FAM135B: variants seen among roughly 807,000 people sequenced by gnomAD.
FAM135B encodes the protein family with sequence similarity 135 member B, also known as protein FAM135B.
FAM135B carries 43 observed loss-of-function variants against 127.7 expected under a neutral mutation model. The ratio of observed to expected loss-of-function variants is 0.34; its 90% CI spans 0.26 to 0.43. FAM135B has a LOEUF of 0.43. Ranked by LOEUF, FAM135B falls within the 20% of genes least tolerant of loss-of-function variation. FAM135B has a pLI of 1.00. For missense variants in FAM135B, 1,558 were observed against 1,725.6 expected (o/e 0.90, Z 1.72); for synonymous variants, 670 against 665.1 (o/e 1.01, Z -0.11).
intron 9 of FAM135B, among the ~76,000 whole-genome samples, chr8:138,183,499 G>T (rs535266019): frequency 2.6e-5 from 4 of 152,132 alleles, no homozygotes; most frequent in African/African-American, 9.7e-5. Context: ...TGCTCAACTC[G>T]CTTCAATATA....
At chr8:138,151,121 G>T (rs929174945) in intron 13 of FAM135B, 73 bp downstream of exon 13, 12 of 1,131,286 alleles carry the variant, frequency 1.1e-5, no homozygotes, top group Middle Eastern at 2.0e-4. Flanking sequence ...GAAACAGTAT[G>T]CATGAAATGG....
intron 4 of FAM135B, among the ~76,000 whole-genome samples, chr8:138,264,895 G>T (rs2130620250): frequency 6.6e-6 from 1 of 152,202 alleles, no homozygotes; most frequent in African/African-American, 2.4e-5. Flanking sequence ...CCTAAAATAG[G>T]AATACTCTTT....
intron 13 of FAM135B, 192 bp from the exon 14 acceptor site, chr8:138,148,878 T>G: frequency 2.6e-6 from 1 of 389,440 alleles, no homozygotes; most frequent in East Asian, 4.7e-5. Flanking sequence ...AGGAAAGCAC[T>G]CTATAAAAAC....
In FAM135B at chr8:138,179,035, T is replaced by G. The variant is rs527276110; in HGVS notation, c.874-345A>C. ...CATGTATGTTCTGAGTACAGCTTACTCTTAGATTTCCATAAACATCTTGCA... is the reference window on the plus strand; with the variant it reads ...CATGTATGTTCTGAGTACAGCTTACGCTTAGATTTCCATAAACATCTTGCA... On this transcript the variant is annotated intron_variant, in intron 9 of 19. Transcript: ENST00000395297. Among the ~76,000 whole-genome samples, 16 of 152,338 alleles carry G rather than the reference T, an allele frequency of 1.1e-4. No homozygotes were observed. In the South Asian group the frequency reaches 2.9e-3, roughly 28 times the overall value.
chr8:138,295,519 T>G (rs1433451252), intron 3 of FAM135B, among the ~76,000 whole-genome samples: 1 of 152,088 alleles, frequency 6.6e-6, no homozygotes, highest in African/African-American at 2.4e-5. Flanking sequence ...CACAAATACA[T>G]GCACACTTAA....
At chr8:138,408,501 G>A (rs1563977505) in intron 1 of FAM135B, among the ~76,000 whole-genome samples, 1 of 152,136 alleles carries the variant, frequency 6.6e-6, no homozygotes, top group African/African-American at 2.4e-5. Context: ...TTAGGGCCTT[G>A]CTCTGGATTT....
intron 2 of FAM135B, among the ~76,000 whole-genome samples, chr8:138,352,420 A>G (rs1829839953): frequency 6.6e-6 from 1 of 152,254 alleles, no homozygotes; most frequent in African/African-American, 2.4e-5. Flanking sequence ...AATATTATAA[A>G]TAAACAAAAA....
rs189891453 is a variant in FAM135B at position 138,351,940 on chromosome 8, T to G, written c.77+15967A>C. On this transcript the variant is annotated intron_variant, in intron 2 of 19. Coordinates refer to ENST00000395297, the MANE Select transcript of FAM135B (RefSeq NM_015912.4). ...CCTCACCTCAGGTGATCTGTCCGCC[T>G]CGGCCTCCCAAAGTGCTGGGATTAC... is the stretch of plus-strand genomic sequence containing the variant. 4.5e-3 allele frequency among the ~76,000 whole-genome samples: 684 copies of G among 152,286 alleles called. 9 individuals are homozygous for G. The highest frequency in any genetic ancestry group is 0.016 in the African/African-American group (654 of 41,556).
intron 1 of FAM135B, among the ~76,000 whole-genome samples, chr8:138,486,212 G>T (rs1299828064): frequency 6.6e-6 from 1 of 151,784 alleles, no homozygotes; most frequent in African/African-American, 2.4e-5. Flanking sequence ...TCCACGTAGG[G>T]TTCCTCAGGT....
At chr8:138,387,119 A>T (rs1832266666) in intron 1 of FAM135B, among the ~76,000 whole-genome samples, 1 of 152,188 alleles carries the variant, frequency 6.6e-6, no homozygotes, top group African/African-American at 2.4e-5. Flanking sequence ...GTTATTTGAT[A>T]TTTGGAAATT....
chr8:138,291,328 C>T (rs1825094040), intron 3 of FAM135B, among the ~76,000 whole-genome samples: 1 of 152,096 alleles, frequency 6.6e-6, no homozygotes, highest in African/African-American at 2.4e-5. Context: ...AAGACACTGG[C>T]AGAACTTAGG....
At chr8:138,443,657 A>T (rs959531313) in intron 1 of FAM135B, among the ~76,000 whole-genome samples, 1 of 152,216 alleles carries the variant, frequency 6.6e-6, no homozygotes, top group African/African-American at 2.4e-5. Context: ...ACTGGGAATT[A>T]GAGAGCAAAC....
At chr8:138,391,639 G>A (rs1832584513) in intron 1 of FAM135B, among the ~76,000 whole-genome samples, 1 of 152,180 alleles carries the variant, frequency 6.6e-6, no homozygotes, top group African/African-American at 2.4e-5. Flanking sequence ...ACCTAAGCTT[G>A]TGTCTAACCT....
At chr8:138,356,422 CTTCCTCTATGATTTAGGGATAATACAAT>C (rs1363922337) in intron 2 of FAM135B, among the ~76,000 whole-genome samples, 1 of 152,130 alleles carries the variant, frequency 6.6e-6, no homozygotes, top group Non-Finnish European at 1.5e-5. Flanking sequence ...TGAGCCTCTG[CTTCCTCTATGATTTAGGGATAATACAAT>C]ATTCCTTGTA....
At position 138,152,121 on chromosome 8, in the gene FAM135B, T is replaced by A. The variant is rs1818219211; in HGVS notation, c.2354A>T (p.Asp785Val). 10 of 1,613,978 alleles carry A rather than the reference T, an allele frequency of 6.2e-6. No homozygotes were observed. The highest frequency in any genetic ancestry group is 8.5e-6 in the Non-Finnish European group (10 of 1,180,032). Residue 785 changes from aspartate (D) to valine (V), a missense_variant, in exon 13 of 20, where the codon GAT (aspartate) becomes GTT (valine). Physicochemically the swap from Asp to Val is radical, Grantham distance 152. Around this residue, in one of 5 missense-constraint regions of FAM135B, gnomAD observed 923 missense variants for 865.3 expected, o/e 1.07. Coordinates refer to ENST00000395297, the MANE Select transcript of FAM135B (RefSeq NM_015912.4). ...TCCATCTTGCTGCTTGGTGTCCGCA[T>A]CTTCAGCAGCCTCCTCTGGGCTACT... ...HISSPEEAAEDADTKQQDGGF... is the reference protein window; with the variant it reads ...HISSPEEAAEVADTKQQDGGF...
chr8:138,280,083 C>A (rs956418544), intron 3 of FAM135B, among the ~76,000 whole-genome samples: 1 of 152,144 alleles, frequency 6.6e-6, no homozygotes, highest in Admixed American at 6.5e-5. Context: ...GAGAATCCAA[C>A]CAAGGACCAG....
chr8:138,442,604 CAGAA>C (rs1357414713), intron 1 of FAM135B, among the ~76,000 whole-genome samples: 3 of 151,858 alleles, frequency 2.0e-5, no homozygotes, highest in African/African-American at 7.3e-5. Context: ...CAAATAAAAA[CAGAA>C]AGAAAGAGAG....
chr8:138,393,713 G>C (rs999642440), intron 1 of FAM135B, among the ~76,000 whole-genome samples: 2 of 152,166 alleles, frequency 1.3e-5, no homozygotes, highest in African/African-American at 4.8e-5. Context: ...CCCATGCTTA[G>C]CACCCCCACT....
intron 1 of FAM135B, among the ~76,000 whole-genome samples, chr8:138,410,442 C>A (rs1357708674): frequency 6.6e-6 from 1 of 152,084 alleles, no homozygotes; most frequent in Non-Finnish European, 1.5e-5. Context: ...ATGGAACTGG[C>A]GATATAGCCA....
Sources: gnomAD v4.1 joint callset for allele counts (sites outside exome capture counted in the v4.1 genomes callset) on GRCh38, gnomAD v4.1.1 for gene constraint, gnomAD v4.1.1 regional missense constraint, MANE v1.5 for transcripts, NCBI Gene and HGNC (gene_info 2026-07-23, HGNC 2026-07-21) for gene names.